Variants in PANK3 observed in about 807,000 individuals in gnomAD.
The protein encoded by PANK3 is pantothenate kinase 3, also known as hPanK3.
PANK3 carries 20 observed loss-of-function variants against 39.4 expected under a neutral mutation model. The ratio of observed to expected loss-of-function variants is 0.51; its 90% CI spans 0.36 to 0.74. The LOEUF (loss-of-function observed/expected upper bound fraction) is 0.74, where lower values mean the gene tolerates loss of function less well. Ranked by LOEUF, PANK3 falls within the 30% of genes least tolerant of loss-of-function variation. The probability of loss-of-function intolerance (pLI) is 0.00; values close to 1 mark genes in which losing one functional copy is unlikely to be tolerated. For synonymous variants in PANK3, 140 were observed against 157.3 expected (o/e 0.89, Z 0.82); for missense variants, 265 against 437.0 (o/e 0.61, Z 3.51).
chr5:168,557,292 T>A lies in PANK3; in HGVS notation c.*279A>T. On this transcript the variant is annotated 3_prime_UTR_variant, in exon 7 of 7. Transcript: ENST00000239231. ...TGTGTTTGAGCATACAGTACTGCAA[T>A]GTTGGCTACATAAAATAAAAAAATC... is the stretch of plus-strand genomic sequence containing the variant. 3 of 306,908 alleles carry A rather than the reference T, an allele frequency of 9.8e-6. No individual in the cohort carries two copies. Among genetic ancestry groups the A allele is most frequent in the Non-Finnish European group, 1.9e-5 (3 of 160,194 alleles). 19.0% of individuals were successfully genotyped at this position (306,908 alleles called of 1,614,324 possible).
Position 168,569,007 on chromosome 5 carries a change from G to GTAA in PANK3, c.29-10_29-9insTTA. 3 of 179,518 alleles carry GTAA rather than the reference G, an allele frequency of 1.7e-5. No homozygotes were observed. The highest frequency in any genetic ancestry group is 3.1e-4 in the South Asian group (1 of 3,180). The allele number at this position is 179,518 out of a possible 1,614,324, so 11.1% of individuals were successfully genotyped here. On this transcript the variant is annotated splice_polypyrimidine_tract_variant and intron_variant, in intron 1 of 6. Coordinates refer to ENST00000239231, the MANE Select transcript of PANK3 (RefSeq NM_024594.4). ...GCCAAACCATGGGAAAGCTATGGGA[G>GTAA]GAAAAAAAAAAAAAAAAAAAAAAAT...
chr5:168,569,047 A>ATATATC, intron 1 of PANK3, 49 bp from the exon 2 acceptor site: 1 of 409,886 alleles, frequency 2.4e-6, no homozygotes, highest in East Asian at 6.2e-5. Context: ...ATATATATAT[A>ATATATC]TATCCATTTT....
At position 168,558,633 on chromosome 5, in the gene PANK3, C is replaced by T. The variant is rs1020565675; in HGVS notation, c.1062+399G>A. On this transcript the variant is annotated intron_variant, in intron 6 of 6. Coordinates refer to ENST00000239231, the MANE Select transcript of PANK3 (RefSeq NM_024594.4). Reference sequence around the variant, plus strand: ...CTTAACTGCATGTAGTAAATGAATACAAAAAAATCTGGGGGTGCCTAACAG... The same window carrying T: ...CTTAACTGCATGTAGTAAATGAATATAAAAAAATCTGGGGGTGCCTAACAG... Among the ~76,000 whole-genome samples, 3 of 151,994 alleles carry T rather than the reference C, an allele frequency of 2.0e-5. No homozygotes were observed. In the South Asian group the frequency reaches 6.2e-4, roughly 31 times the overall value.
At chr5:168,577,762 A>G (rs1317367447) in intron 1 of PANK3, among the ~76,000 whole-genome samples, 2 of 152,228 alleles carry the variant, frequency 1.3e-5, no homozygotes, top group African/African-American at 4.8e-5. Context: ...ATCATGACAA[A>G]AGAAAATAAT....
At position 168,569,008 on chromosome 5, in the gene PANK3, G is replaced by GAA. The variant is rs368234880; in HGVS notation, c.29-12_29-11dup. ...CCAAACCATGGGAAAGCTATGGGAGGAAAAAAAAAAAAAAAAAAAAAAATA... is the reference window on the plus strand; with the variant it reads ...CCAAACCATGGGAAAGCTATGGGAGGAAAAAAAAAAAAAAAAAAAAAAAAATA... On this transcript the variant is annotated splice_polypyrimidine_tract_variant and intron_variant, in intron 1 of 6. Coordinates refer to ENST00000239231, the MANE Select transcript of PANK3 (RefSeq NM_024594.4). The GAA allele has an allele frequency of 6.4e-3, 586 of 91,054 alleles. 16 individuals carry two copies. Among genetic ancestry groups the GAA allele is most frequent in the South Asian group, 0.018 (33 of 1,812 alleles). 5.6% of individuals were successfully genotyped at this position (91,054 alleles called of 1,614,324 possible). A position where few individuals can be genotyped will look rare whatever the true frequency, so the allele number is the denominator to read the frequency against.
chr5:168,564,134 G>A (rs1242322959), intron 3 of PANK3, 69 bp from the exon 4 acceptor site: 2 of 1,301,528 alleles, frequency 1.5e-6, no homozygotes, highest in South Asian at 1.8e-5. Context: ...GTAAAAGGGT[G>A]GATCATTCAT....
At chr5:168,562,277 G>T (rs2113112376) in intron 4 of PANK3, among the ~76,000 whole-genome samples, 1 of 152,154 alleles carries the variant, frequency 6.6e-6, no homozygotes, top group Non-Finnish European at 1.5e-5. Flanking sequence ...TTATTACAGT[G>T]GTAAGAGAAA....
At chr5:168,558,726 T>C (rs940899142) in intron 6 of PANK3, among the ~76,000 whole-genome samples, 8 of 152,218 alleles carry the variant, frequency 5.3e-5, no homozygotes, top group Admixed American at 3.9e-4. Flanking sequence ...TACTTAAGGC[T>C]GGGCATGGTG....
intron 1 of PANK3, among the ~76,000 whole-genome samples, chr5:168,570,929 GAAA>G (rs1161339581): frequency 6.6e-6 from 1 of 151,990 alleles, no homozygotes; most frequent in Non-Finnish European, 1.5e-5. Flanking sequence ...ACACCCTCTT[GAAA>G]AAAATGGTAT....
rs182025372 is a variant in PANK3, at chr5:168,552,625, C to T, written c.*4946G>A. 1.1e-3 allele frequency: 235 copies of T among 221,250 alleles called. 2 individuals carry two copies. The highest frequency in any genetic ancestry group is 3.0e-3 in the Admixed American group (66 of 22,168). The allele number at this position is 221,250 out of a possible 1,614,324, so 13.7% of individuals were successfully genotyped here. A position where few individuals can be genotyped will look rare whatever the true frequency, so the allele number is the denominator to read the frequency against. On this transcript the variant is annotated 3_prime_UTR_variant, in exon 7 of 7. Transcript: ENST00000239231. ...CCAACTTCAGAGAAGGCCACAAAGACCAAGATAGCCCCACTACAGACAAAG... is the reference window on the plus strand; with the variant it reads ...CCAACTTCAGAGAAGGCCACAAAGATCAAGATAGCCCCACTACAGACAAAG...
rs146679629 is a variant in PANK3 at position 168,571,837 on chromosome 5, T to G, written c.29-2839A>C. ...GAGAAATAGCTCGTTCGTCTTTATA[T>G]TTGAAACTCAAATTAGAGATCTGGA... On this transcript the variant is annotated intron_variant, in intron 1 of 6. Coordinates refer to ENST00000239231, the MANE Select transcript of PANK3 (RefSeq NM_024594.4). Among the ~76,000 whole-genome samples the G allele has an allele frequency of 4.7e-4, 72 of 152,296 alleles. 1 individual carries two copies. The highest frequency in any genetic ancestry group is 1.7e-3 in the African/African-American group (70 of 41,568).
chr5:168,551,760 T>A lies in PANK3; in HGVS notation c.*5811A>T, dbSNP rs1427526429. On this transcript the variant is annotated 3_prime_UTR_variant, in exon 7 of 7. Transcript: ENST00000239231. ...TACATTATAGCAATCACATGTACAC[T>A]CAAAGGTAAAAGAAAAAAAACCTCA... 1.3e-5 allele frequency: 2 copies of A among 152,094 alleles called. No individual in the cohort carries two copies. Among genetic ancestry groups the A allele is most frequent in the Non-Finnish European group, 2.9e-5 (2 of 68,024 alleles). The allele number at this position is 152,094 out of a possible 1,614,324, so 9.4% of individuals were successfully genotyped here. A position where few individuals can be genotyped will look rare whatever the true frequency, so the allele number is the denominator to read the frequency against.
chr5:168,565,433 A>G (rs1005397436), intron 3 of PANK3, among the ~76,000 whole-genome samples: 1 of 152,218 alleles, frequency 6.6e-6, no homozygotes, highest in Non-Finnish European at 1.5e-5. Context: ...AATGTTCCCC[A>G]GTACTGCAGT....
Position 168,554,803 on chromosome 5 carries a change from A to G in PANK3, c.*2768T>C, listed in dbSNP as rs1454064578. The G allele has an allele frequency of 6.6e-6, 1 of 152,220 alleles. No individual in the cohort carries two copies. The highest frequency in any genetic ancestry group is 1.5e-5 in the Non-Finnish European group (1 of 68,032). The allele number at this position is 152,220 out of a possible 1,614,324, so 9.4% of individuals were successfully genotyped here. A position where few individuals can be genotyped will look rare whatever the true frequency, so the allele number is the denominator to read the frequency against. ...GAATGACAGTAACTACAAGTTTTAT[A>G]CCTGTGGCAAATACTGTATTAGCAT... On this transcript the variant is annotated 3_prime_UTR_variant, in exon 7 of 7. Transcript: ENST00000239231.
Position 168,572,626 on chromosome 5 carries a change from A to AT in PANK3, c.29-3629dup, listed in dbSNP as rs772089922. Among the ~76,000 whole-genome samples, 5 of 152,264 alleles carry AT rather than the reference A, an allele frequency of 3.3e-5. No individual in the cohort carries two copies. The South Asian group carries it at 1.0e-3, about 32-fold the overall frequency. Reference sequence around the variant, plus strand: ...GGGAGAAACAAATCACAATGGTGGTATGTCATCAGTTAAGGCTATTTTCAC... The same window carrying AT: ...GGGAGAAACAAATCACAATGGTGGTATTGTCATCAGTTAAGGCTATTTTCAC... On this transcript the variant is annotated intron_variant, in intron 1 of 6. Coordinates refer to ENST00000239231, the MANE Select transcript of PANK3 (RefSeq NM_024594.4).
Position 168,563,877 on chromosome 5 carries a change from T to C in PANK3, c.812+12A>G. ...ACTTCTGTAACTTAAATAACACAAA[T>C]GTTAAACTTACCTAGATGCTACAGC... On this transcript the variant is annotated intron_variant, in intron 4 of 6. Transcript: ENST00000239231. 6.4e-7 allele frequency: 1 copy of C among 1,570,594 alleles called. No individual in the cohort carries two copies. The highest frequency in any genetic ancestry group is 2.3e-5 in the East Asian group (1 of 43,432).
At chr5:168,573,779 G>A (rs1386269741) in intron 1 of PANK3, among the ~76,000 whole-genome samples, 1 of 148,974 alleles carries the variant, frequency 6.7e-6, no homozygotes, top group Non-Finnish European at 1.5e-5. Context: ...TTGGTTTTTT[G>A]TTCTTGCGAT....
Position 168,556,503 on chromosome 5 carries a change from C to G in PANK3, c.*1068G>C, listed in dbSNP as rs1022713285. ...TTGCCAATAACAGTATTTTAGTTAT[C>G]AGGTCTCACCATTCCCTCTGGTTGT... On this transcript the variant is annotated 3_prime_UTR_variant, in exon 7 of 7. Transcript: ENST00000239231. The G allele has an allele frequency of 3.3e-5, 5 of 152,504 alleles. No individual in the cohort carries two copies. Among genetic ancestry groups the G allele is most frequent in the Non-Finnish European group, 5.9e-5 (4 of 68,052 alleles). The allele number at this position is 152,504 out of a possible 1,614,324, so 9.4% of individuals were successfully genotyped here.
At chr5:168,565,728 T>C (rs1189143255) in intron 3 of PANK3, among the ~76,000 whole-genome samples, 1 of 151,484 alleles carries the variant, frequency 6.6e-6, no homozygotes, top group African/African-American at 2.4e-5. Context: ...CTTATAAAAA[T>C]ACATTATCTG....
Sources: gnomAD v4.1 joint callset for allele counts (sites outside exome capture counted in the v4.1 genomes callset) on GRCh38, gnomAD v4.1.1 for gene constraint, MANE v1.5 for transcripts, NCBI Gene and HGNC (gene_info 2026-07-23, HGNC 2026-07-21) for gene names.